The following ABTB2 variants were observed in gnomAD, a reference collection of about 807,000 sequenced individuals.
The protein encoded by ABTB2 is ankyrin repeat and BTB domain containing 2.
In ABTB2, 56 loss-of-function variants were observed where a neutral mutation model predicts 104.1. The ratio of observed to expected loss-of-function variants is 0.54; its 90% confidence interval spans 0.43 to 0.67. ABTB2 has a LOEUF of 0.67. Ranked by LOEUF, ABTB2 falls within the 30% of genes least tolerant of loss-of-function variation. The pLI is 0.00. For synonymous variants in ABTB2, 606 were observed against 608.2 expected, an observed-to-expected ratio of 1.00 and a Z score of 0.05; for missense variants, 1,279 against 1,407.7, an observed-to-expected ratio of 0.91 and a Z score of 1.46.
chr11:34,232,995 GC>G (rs1220304098), intron 1 of ABTB2, among the ~76,000 whole-genome samples: 1 of 141,834 alleles, frequency 7.1e-6, no homozygotes, highest in African/African-American at 2.7e-5. Flanking sequence ...AACCCCAAAT[GC>G]CCCGCAAAAC....
chr11:34,156,691 A>G (rs1306220198), intron 14 of ABTB2, among the ~76,000 whole-genome samples: 1 of 151,854 alleles, frequency 6.6e-6, no homozygotes, highest in African/African-American at 2.4e-5. Context: ...CGCCCAGCTA[A>G]TTTTGTATTT....
intron 1 of ABTB2, among the ~76,000 whole-genome samples, chr11:34,254,009 C>T (rs992748341): frequency 2.0e-5 from 3 of 152,174 alleles, no homozygotes; most frequent in Non-Finnish European, 4.4e-5. Flanking sequence ...CTATGTGGTA[C>T]AGCAGTGGCA....
At chr11:34,354,787 T>C (rs1855445895) in intron 1 of ABTB2, among the ~76,000 whole-genome samples, 2 of 152,238 alleles carry the variant, frequency 1.3e-5, no homozygotes, top group Non-Finnish European at 2.9e-5. Context: ...TCCACCCTTA[T>C]TCTTGTTTGG....
At position 34,160,373 on chromosome 11, in the gene ABTB2, G is replaced by C; in HGVS notation, c.2398-20C>G. 6.3e-7 allele frequency: 1 copy of C among 1,587,358 alleles called. No homozygotes were observed. Among genetic ancestry groups the C allele is most frequent in the Non-Finnish European group, 8.7e-7 (1 of 1,155,996 alleles). ...GTCGTTCTGTGGGGAGAGGAGAGAG[G>C]GCCTGTGAGCTGCCCGCTGTGGCTG... On this transcript the variant is annotated intron_variant, in intron 11 of 16. Transcript: ENST00000435224.
intron 1 of ABTB2, among the ~76,000 whole-genome samples, chr11:34,345,236 G>T (rs11032621): frequency 1.1e-4 from 16 of 151,882 alleles, no homozygotes; most frequent in Non-Finnish European, 2.4e-4. Context: ...CGCCCCAGCC[G>T]CACGGAAGGA....
chr11:34,310,353 G>A (rs899634629), intron 1 of ABTB2, among the ~76,000 whole-genome samples: 1 of 152,094 alleles, frequency 6.6e-6, no homozygotes, highest in Non-Finnish European at 1.5e-5. Flanking sequence ...TGCCAGAAAT[G>A]TGAGTCCCGA....
intron 1 of ABTB2, among the ~76,000 whole-genome samples, chr11:34,312,071 G>A (rs1429338489): frequency 6.6e-6 from 1 of 151,798 alleles, no homozygotes; most frequent in Admixed American, 6.6e-5. Flanking sequence ...AACCCAGGAG[G>A]TGGAGGTTGC....
In ABTB2 at chr11:34,233,653, CTT is replaced by C. The variant is rs11285170; in HGVS notation, c.884-28965_884-28964del. On this transcript the variant is annotated intron_variant, in intron 1 of 16. Transcript: ENST00000435224. ...GCATGAACCACTGTACCTGGCCCAC[CTT>C]TTTTTTTTTTATTATAAAGGTAATT... 1.5e-3 allele frequency among the ~76,000 whole-genome samples: 224 copies of C among 149,526 alleles called. 1 individual carries two copies. Among genetic ancestry groups the C allele is most frequent in the East Asian group, 3.9e-3 (20 of 5,136 alleles).
At position 34,161,190 on chromosome 11, in the gene ABTB2, A is replaced by G. The variant is rs963774997; in HGVS notation, c.2219-109T>C. The G allele has an allele frequency of 7.5e-6, 9 of 1,201,306 alleles. No individual in the cohort carries two copies. The African/African-American group carries it at 1.4e-4, about 19-fold the overall frequency. The allele number at this position is 1,201,306 out of a possible 1,614,324, so 74.4% of individuals were successfully genotyped here. A position where few individuals can be genotyped will look rare whatever the true frequency, so the allele number is the denominator to read the frequency against. On this transcript the variant is annotated intron_variant, in intron 10 of 16. Transcript: ENST00000435224. ...CTCTCGGGATGCCCCCGCTGTCTGC[A>G]GAGCACCCCGCCCGCCCCCTCCCGC...
chr11:34,250,769 T>C (rs1854046187), intron 1 of ABTB2, among the ~76,000 whole-genome samples: 2 of 152,216 alleles, frequency 1.3e-5, no homozygotes, highest in Non-Finnish European at 2.9e-5. Context: ...CTCTGCTCCC[T>C]CTAATAAAGC....
intron 1 of ABTB2, among the ~76,000 whole-genome samples, chr11:34,255,665 G>A (rs180685049): frequency 2.0e-5 from 3 of 152,072 alleles, no homozygotes; most frequent in Admixed American, 6.5e-5. Flanking sequence ...CTACAGGTAC[G>A]TGCCACCACA....
Position 34,357,301 on chromosome 11 carries a change from C to T in ABTB2, c.283G>A (p.Glu95Lys). The change falls in exon 1 of 17, where the codon GAG becomes AAG. Residue 95 changes from glutamate (E) to lysine (K), a missense_variant. Transcript: ENST00000435224. The part of the protein sequence containing the change: ...FSRCPRLPEL[E>K]EFPWTEGDVA... ...TCTCCTTCGGTCCAGGGGAACTCCT[C>T]CAGCTCGGGGAGCCGCGGACAGCGC... is the stretch of plus-strand genomic sequence containing the variant. 3 of 1,511,524 alleles carry T rather than the reference C, an allele frequency of 2.0e-6. No homozygotes were observed. The highest frequency in any genetic ancestry group is 2.7e-6 in the Non-Finnish European group (3 of 1,125,784). 93.6% of individuals were successfully genotyped at this position (1,511,524 alleles called of 1,614,324 possible).
intron 1 of ABTB2, among the ~76,000 whole-genome samples, chr11:34,323,206 C>G (rs781639269): frequency 6.6e-6 from 1 of 152,046 alleles, no homozygotes; most frequent in African/African-American, 2.4e-5. Flanking sequence ...TGCGCCTGGC[C>G]GCAAATGCTT....
At chr11:34,347,853 G>T (rs1361157196) in intron 1 of ABTB2, among the ~76,000 whole-genome samples, 2 of 152,098 alleles carry the variant, frequency 1.3e-5, no homozygotes, top group Non-Finnish European at 2.9e-5. Context: ...ACTGGAAGTC[G>T]AATATCGTAT....
rs191713379 is a variant in ABTB2 at position 34,261,184 on chromosome 11, G to A, written c.884-56494C>T. On this transcript the variant is annotated intron_variant, in intron 1 of 16. Transcript: ENST00000435224. ...GCACTTTCACATCTCTCTCAATCAC[G>A]CTCACCTAGGTTTAATAACCTAGAA... is the stretch of plus-strand genomic sequence containing the variant. Among the ~76,000 whole-genome samples the A allele has an allele frequency of 4.7e-4, 71 of 151,978 alleles. 3 individuals are homozygous for A. The highest frequency in any genetic ancestry group is 3.6e-3 in the Admixed American group (55 of 15,258).
chr11:34,169,406 T>C (rs2473918), intron 5 of ABTB2, among the ~76,000 whole-genome samples: 69,735 of 151,882 alleles, frequency 0.46, 16,928 homozygotes, highest in East Asian at 0.9. Context: ...GTGCTGACTA[T>C]GTGCTGGATG....
chr11:34,173,672 C>T (rs932450979), intron 3 of ABTB2, among the ~76,000 whole-genome samples: 3 of 152,102 alleles, frequency 2.0e-5, no homozygotes, highest in Non-Finnish European at 4.4e-5. Flanking sequence ...GAGCAGTTCC[C>T]CAGTGTGTGG....
rs146012979 is a variant in ABTB2, at chr11:34,323,542, C to T, written c.883+33159G>A. Reference sequence around the variant, plus strand: ...TCTCTCTCCAAGATCTTTGCACTATCGGCTCGTTCTCTGTTCAAATGTCAC... The same window carrying T: ...TCTCTCTCCAAGATCTTTGCACTATTGGCTCGTTCTCTGTTCAAATGTCAC... On this transcript the variant is annotated intron_variant, in intron 1 of 16. Transcript: ENST00000435224. 7.5e-4 allele frequency among the ~76,000 whole-genome samples: 114 copies of T among 152,302 alleles called. No individual in the cohort carries two copies. In the Middle Eastern group the frequency reaches 0.01, roughly 14 times the overall value.
Position 34,173,281 on chromosome 11 carries a change from A to G in ABTB2, c.1271T>C (p.Met424Thr), listed in dbSNP as rs1220980427. ...GGTGATGGCCACGCGCATCCACTCC[A>G]TGAGGGGCGGCAGCAGCATGAAGGG... ...ERPFMLLPPL[M>T]EWMRVAITYA... Residue 424 changes from methionine to threonine, a missense_variant, in exon 4 of 17, where the codon ATG becomes ACG. By Grantham distance (81) the Met-to-Thr change is moderately conservative. Transcript: ENST00000435224. 1 of 1,604,210 alleles carries G rather than the reference A, an allele frequency of 6.2e-7. No homozygotes were observed. The highest frequency in any genetic ancestry group is 8.5e-7 in the Non-Finnish European group (1 of 1,175,604).
Sources: allele counts gnomAD v4.1 joint callset (sites outside exome capture counted in the v4.1 genomes callset), GRCh38; gene constraint gnomAD v4.1.1; transcripts MANE v1.5; gene names NCBI Gene and HGNC (gene_info 2026-07-23, HGNC 2026-07-21).